Variants in TET1 observed in about 807,000 individuals in gnomAD.
TET1 encodes tet methylcytosine dioxygenase 1, also known as methylcytosine dioxygenase TET1.
A neutral mutation model predicts 148.7 loss-of-function variants in TET1; 13 were observed. The ratio of observed to expected loss-of-function variants is 0.09; its 90% CI spans 0.06 to 0.14. The LOEUF (loss-of-function observed/expected upper bound fraction) is 0.14. Among genes scored for constraint, TET1 ranks in the 10% least tolerant of loss-of-function variants. The pLI, the probability that TET1 is intolerant of heterozygous loss-of-function variation, is 1.00. For synonymous variants in TET1, 907 were observed against 937.2 expected (o/e 0.97, Z 0.59); for missense variants, 2,182 against 2,553.8 (o/e 0.85, Z 3.14).
At chr10:68,670,819 T>C (rs2055263133) in intron 7 of TET1, among the ~76,000 whole-genome samples, 1 of 152,166 alleles carries the variant, frequency 6.6e-6, no homozygotes, top group Non-Finnish European at 1.5e-5. Flanking sequence ...TATCAGGCAT[T>C]TTCCAGGCTT....
Position 68,615,178 on chromosome 10 carries a change from G to A in TET1, c.1968+14144G>A, listed in dbSNP as rs377120499. 1.3e-4 allele frequency among the ~76,000 whole-genome samples: 19 copies of A among 151,574 alleles called. No homozygotes were observed. In the East Asian group the frequency reaches 3.5e-3, roughly 28 times the overall value. ...GAACTCCTGACCTCGTGATCCACCC[G>A]CCTGGGCCTCCTGAAGGGCTGAGAT... On this transcript the variant is annotated intron_variant, in intron 3 of 11. Coordinates refer to ENST00000373644, the MANE Select transcript of TET1 (RefSeq NM_030625.3).
chr10:68,687,199 G>C (rs894808388), intron 11 of TET1, among the ~76,000 whole-genome samples: 2 of 126,946 alleles, frequency 1.6e-5, no homozygotes, highest in African/African-American at 5.8e-5. Flanking sequence ...CACCGCGCCC[G>C]GCCTACTTAT....
At chr10:68,564,840 C>A (rs1371522547) in intron 1 of TET1, among the ~76,000 whole-genome samples, 1 of 152,004 alleles carries the variant, frequency 6.6e-6, no homozygotes, top group Non-Finnish European at 1.5e-5. Flanking sequence ...TGAGATCACC[C>A]TTGATCCTCA....
chr10:68,637,518 C>CTT (rs34260111), intron 3 of TET1, among the ~76,000 whole-genome samples: 27,976 of 106,324 alleles, frequency 0.26, 4,543 homozygotes, highest in East Asian at 0.39. Flanking sequence ...GTTTCCTATT[C>CTT]TTTTTTTTTT....
intron 3 of TET1, among the ~76,000 whole-genome samples, chr10:68,622,189 C>T (rs894342595): frequency 1.8e-4 from 20 of 112,952 alleles, no homozygotes; most frequent in Non-Finnish European, 3.3e-4. Context: ...TTCCTTCCTT[C>T]CTTCCTTCCT....
In TET1 at chr10:68,580,939, T is replaced by G. The variant is rs918679827; in HGVS notation, c.1914+6687T>G. 2.0e-5 allele frequency among the ~76,000 whole-genome samples: 3 copies of G among 151,934 alleles called. No homozygotes were observed. The East Asian group carries it at 5.8e-4, about 29-fold the overall frequency. ...GAGCTGTGATCTCTCCACCGCACTCTAGCCTTGGTGGCAGTGAGACTGTGT... is the reference window on the plus strand; with the variant it reads ...GAGCTGTGATCTCTCCACCGCACTCGAGCCTTGGTGGCAGTGAGACTGTGT... On this transcript the variant is annotated intron_variant, in intron 2 of 11. Coordinates refer to ENST00000373644, the MANE Select transcript of TET1 (RefSeq NM_030625.3).
chr10:68,686,731 T>A, intron 11 of TET1, 24 bp downstream of exon 11: 1 of 1,589,212 alleles, frequency 6.3e-7, no homozygotes, highest in Non-Finnish European at 8.6e-7. Context: ...AACCTGGTAA[T>A]CTCTGCACAA....
At position 68,600,135 on chromosome 10, in the gene TET1, A is replaced by T. The variant is rs754933651; in HGVS notation, c.1915-846A>T. 3.7e-4 allele frequency among the ~76,000 whole-genome samples: 56 copies of T among 152,176 alleles called. 1 individual carries two copies. The highest frequency in any genetic ancestry group is 6.3e-4 in the Non-Finnish European group (43 of 68,036). ...CTCACATAACCTCCCTGCCTTAAAT[A>T]TCGCCAATATTTAGCCTTGCCTTAT... On this transcript the variant is annotated intron_variant, in intron 2 of 11. Coordinates refer to ENST00000373644, the MANE Select transcript of TET1 (RefSeq NM_030625.3).
chr10:68,587,925 C>G (rs2053878042), intron 2 of TET1, among the ~76,000 whole-genome samples: 1 of 152,154 alleles, frequency 6.6e-6, no homozygotes, highest in African/African-American at 2.4e-5. Flanking sequence ...ATCACCCAGG[C>G]TGGAGTGCAG....
chr10:68,643,979 ACTGCAACCTCTGC>A (rs973811950), intron 3 of TET1, among the ~76,000 whole-genome samples: 33 of 151,692 alleles, frequency 2.2e-4, no homozygotes, highest in African/African-American at 6.3e-4. Context: ...ATCTTGGCCC[ACTGCAACCTCTGC>A]CTCCCGGGTT....
intron 7 of TET1, among the ~76,000 whole-genome samples, chr10:68,671,984 C>T (rs1031299200): frequency 3.9e-5 from 6 of 152,072 alleles, no homozygotes; most frequent in African/African-American, 9.7e-5. Flanking sequence ...CCTCATGATC[C>T]GCCCACCTTG....
intron 3 of TET1, among the ~76,000 whole-genome samples, chr10:68,620,305 T>C (rs569610269): frequency 6.6e-6 from 1 of 152,338 alleles, no homozygotes; most frequent in South Asian, 2.1e-4. Flanking sequence ...CCTGTTCTCC[T>C]TAGCTGTCAT....
At chr10:68,581,860 C>G (rs904957486) in intron 2 of TET1, among the ~76,000 whole-genome samples, 5 of 151,500 alleles carry the variant, frequency 3.3e-5, no homozygotes, top group Non-Finnish European at 2.9e-5. Context: ...GGAAAGCAAT[C>G]TAAAGTCGTG....
chr10:68,567,879 G>A (rs933863069), intron 1 of TET1, among the ~76,000 whole-genome samples: 3 of 152,070 alleles, frequency 2.0e-5, no homozygotes. Context: ...ACCAACAACC[G>A]TTTTCCTACA....
intron 4 of TET1, 42 bp downstream of exon 4, chr10:68,647,047 A>T (rs2054861335): frequency 1.3e-6 from 2 of 1,548,324 alleles, no homozygotes; most frequent in African/African-American, 2.8e-5. Context: ...ACCTGCACAA[A>T]TTACCTCAAT....
intron 8 of TET1, among the ~76,000 whole-genome samples, chr10:68,673,836 G>T (rs1234481300): frequency 1.3e-5 from 2 of 150,724 alleles, no homozygotes; most frequent in African/African-American, 4.9e-5. Context: ...TTTCTTACAT[G>T]TAACAGCAGT....
chr10:68,572,681 C>A lies in TET1; in HGVS notation c.343C>A (p.Leu115Ile). 1 of 1,614,132 alleles carries A rather than the reference C, an allele frequency of 6.2e-7. No individual in the cohort carries two copies. Among genetic ancestry groups the A allele is most frequent in the South Asian group, 1.1e-5 (1 of 91,072 alleles). Reference sequence around the variant, plus strand: ...ACGAAGCACCTCTCTTAGCAGGCGACTCTCCCAACCCCCACTGGTCGTAGC... The same window carrying A: ...ACGAAGCACCTCTCTTAGCAGGCGAATCTCCCAACCCCCACTGGTCGTAGC... The part of the protein sequence containing the change: ...ALRSTSLSRR[L>I]SQPPLVVAKS... The change falls in exon 2 of 12, where the codon CTC becomes ATC. Residue 115 changes from leucine (L) to isoleucine (I), a missense_variant. Physicochemically the swap from Leu to Ile is conservative, Grantham distance 5 (BLOSUM62 2). Transcript: ENST00000373644.
intron 2 of TET1, among the ~76,000 whole-genome samples, chr10:68,583,096 C>T (rs1267804637): frequency 6.6e-6 from 1 of 152,176 alleles, no homozygotes; most frequent in Non-Finnish European, 1.5e-5. Context: ...CCAACATCTT[C>T]ATCTAGTGTC....
chr10:68,590,099 A>T (rs1248511840), intron 2 of TET1, among the ~76,000 whole-genome samples: 3 of 152,062 alleles, frequency 2.0e-5, no homozygotes, highest in Admixed American at 6.6e-5. Context: ...CAAGTGCCAT[A>T]ACACATGCTT....
Sources: gnomAD v4.1 joint callset for allele counts (sites outside exome capture counted in the v4.1 genomes callset) on GRCh38, gnomAD v4.1.1 for gene constraint, MANE v1.5 for transcripts, NCBI Gene and HGNC (gene_info 2026-07-23, HGNC 2026-07-21) for gene names.